Variants in SMOC2 observed in about 807,000 individuals in gnomAD.
The protein encoded by SMOC2 is SPARC related modular calcium binding 2.
SMOC2 carries 39 observed loss-of-function variants against 61.4 expected under a neutral mutation model. The ratio of observed to expected loss-of-function variants is 0.64; its 90% CI spans 0.49 to 0.83. The LOEUF (loss-of-function observed/expected upper bound fraction) is 0.83, where lower values mean the gene tolerates loss of function less well. Ranked by LOEUF, SMOC2 falls within the 40% of genes least tolerant of loss-of-function variation. The probability of loss-of-function intolerance (pLI) is 0.00; values close to 1 mark genes in which losing one functional copy is unlikely to be tolerated. For synonymous variants in SMOC2, 247 were observed against 239.9 expected, an observed-to-expected ratio of 1.03 and a Z score of -0.27; for missense variants, 556 against 592.9, an observed-to-expected ratio of 0.94 and a Z score of 0.65.
chr6:168,450,439 G>T (rs917127024), intron 1 of SMOC2, among the ~76,000 whole-genome samples: 1 of 152,100 alleles, frequency 6.6e-6, no homozygotes, highest in African/African-American at 2.4e-5. Flanking sequence ...ATTTTCCAGG[G>T]CCCCTTATTT....
At chr6:168,526,072 C>T (rs1320670874) in intron 2 of SMOC2, among the ~76,000 whole-genome samples, 1 of 152,220 alleles carries the variant, frequency 6.6e-6, no homozygotes, top group Admixed American at 6.5e-5. Flanking sequence ...CCTTCCTGGG[C>T]CTCAGTGTTC....
intron 9 of SMOC2, among the ~76,000 whole-genome samples, chr6:168,609,073 G>A (rs1478493373): frequency 6.6e-6 from 1 of 152,220 alleles, no homozygotes; most frequent in East Asian, 1.9e-4. Flanking sequence ...GGACAGGGTA[G>A]AGCAGAATGT....
chr6:168,474,629 A>T (rs914798577), intron 1 of SMOC2, among the ~76,000 whole-genome samples: 13 of 152,126 alleles, frequency 8.5e-5, no homozygotes, highest in Non-Finnish European at 5.9e-5. Context: ...AGACGTATAC[A>T]ACTGCCTCCT....
At chr6:168,463,633 C>G (rs188361769) in intron 1 of SMOC2, among the ~76,000 whole-genome samples, 1 of 152,234 alleles carries the variant, frequency 6.6e-6, no homozygotes, top group African/African-American at 2.4e-5. Context: ...TAAGGTGCGG[C>G]TGGGTAACAT....
chr6:168,535,662 A>G lies in SMOC2; in HGVS notation c.463+7935A>G, dbSNP rs2115087909. Reference sequence around the variant, plus strand: ...TCCTCCAAGTCCATAAATAACATAAAGGATCACTGAGCAAAAACAAATGGA... The same window carrying G: ...TCCTCCAAGTCCATAAATAACATAAGGGATCACTGAGCAAAAACAAATGGA... On this transcript the variant is annotated intron_variant, in intron 4 of 12. Transcript: ENST00000356284. This position sits in a 1 kb window ranked among gnomAD's most constrained non-coding sequence, Gnocchi z 4.6. 6.6e-6 allele frequency among the ~76,000 whole-genome samples: 1 copy of G among 152,358 alleles called. No individual in the cohort carries two copies.
intron 9 of SMOC2, among the ~76,000 whole-genome samples, chr6:168,625,157 C>T (rs16887208): frequency 0.024 from 3,615 of 152,332 alleles, 277 homozygotes; most frequent in Admixed American, 0.16. Context: ...CCTGGCGCTC[C>T]AGCAGTAGAA....
At position 168,636,349 on chromosome 6, in the gene SMOC2, G is replaced by A. The variant is rs149125017; in HGVS notation, c.908-14332G>A. ...GTCTCAGAGCCTGCTTCTTAGGATGGGTCTTCCCATCAGGAGCCATATAGT... is the reference window on the plus strand; with the variant it reads ...GTCTCAGAGCCTGCTTCTTAGGATGAGTCTTCCCATCAGGAGCCATATAGT... On this transcript the variant is annotated intron_variant, in intron 9 of 12. Coordinates refer to ENST00000356284, the MANE Select transcript of SMOC2 (RefSeq NM_001166412.2). 5.7e-3 allele frequency among the ~76,000 whole-genome samples: 867 copies of A among 152,264 alleles called. 13 individuals are homozygous for A. Among genetic ancestry groups the A allele is most frequent in the African/African-American group, 0.02 (814 of 41,540 alleles).
At chr6:168,546,312 T>C (rs1783998669) in intron 5 of SMOC2, among the ~76,000 whole-genome samples, 1 of 148,472 alleles carries the variant, frequency 6.7e-6, no homozygotes, top group Non-Finnish European at 1.5e-5. Flanking sequence ...GCCTTGTGAT[T>C]GCCTCCTGGG....
At chr6:168,560,327 A>G (rs1784371563) in intron 7 of SMOC2, among the ~76,000 whole-genome samples, 1 of 152,382 alleles carries the variant, frequency 6.6e-6, no homozygotes, top group Non-Finnish European at 1.5e-5. Flanking sequence ...TTTCAAAAGC[A>G]TTGTAAAGCA....
chr6:168,500,872 G>T (rs576416831), intron 1 of SMOC2, among the ~76,000 whole-genome samples: 1 of 152,170 alleles, frequency 6.6e-6, no homozygotes, highest in Non-Finnish European at 1.5e-5. Flanking sequence ...TGGATAAGAA[G>T]CACTTTTGTA....
intron 9 of SMOC2, among the ~76,000 whole-genome samples, chr6:168,633,009 C>T (rs1786609824): frequency 6.6e-6 from 1 of 152,176 alleles, no homozygotes. Context: ...CCCCAGCTGT[C>T]TCTCCAGCTT....
At chr6:168,583,788 C>T (rs1562362589) in intron 7 of SMOC2, among the ~76,000 whole-genome samples, 2 of 152,166 alleles carry the variant, frequency 1.3e-5, no homozygotes, top group South Asian at 2.1e-4. Context: ...CTTGGCAATA[C>T]GGAGAGAGTG....
At chr6:168,482,236 G>A (rs78897685) in intron 1 of SMOC2, among the ~76,000 whole-genome samples, 1,628 of 151,816 alleles carry the variant, frequency 0.011, 19 homozygotes, top group Non-Finnish European at 0.018. Flanking sequence ...ATAAAAGTGG[G>A]AACAGTACTA....
At chr6:168,605,746 G>A (rs534735027) in intron 8 of SMOC2, among the ~76,000 whole-genome samples, 97 of 152,290 alleles carry the variant, frequency 6.4e-4, no homozygotes, top group African/African-American at 2.1e-3. Flanking sequence ...AAGGATACAG[G>A]TACTGATCCT....
intron 11 of SMOC2, 105 bp from the exon 12 acceptor site, chr6:168,663,969 A>AACAC: frequency 1.1e-6 from 1 of 927,804 alleles, no homozygotes; most frequent in Non-Finnish European, 1.6e-6. Flanking sequence ...GCCAATTGAT[A>AACAC]ACACCTTCCT....
intron 1 of SMOC2, among the ~76,000 whole-genome samples, chr6:168,491,902 T>C (rs779651130): frequency 2.0e-4 from 30 of 152,322 alleles, no homozygotes; most frequent in South Asian, 2.1e-4. Context: ...CAGGTATCGC[T>C]AACTACATCG....
intron 7 of SMOC2, among the ~76,000 whole-genome samples, chr6:168,550,030 T>G (rs555742164): frequency 6.6e-6 from 1 of 152,226 alleles, no homozygotes; most frequent in Non-Finnish European, 1.5e-5. Flanking sequence ...AATGGGTTGC[T>G]TCATCTTTGG....
chr6:168,496,714 G>A (rs1469807332), intron 1 of SMOC2, among the ~76,000 whole-genome samples: 2 of 152,126 alleles, frequency 1.3e-5, no homozygotes, highest in East Asian at 1.9e-4. Flanking sequence ...GGGGCCTCCC[G>A]AGCCCTTCCC....
At chr6:168,625,358 C>T (rs1025848205) in intron 9 of SMOC2, among the ~76,000 whole-genome samples, 21 of 152,186 alleles carry the variant, frequency 1.4e-4, no homozygotes, top group East Asian at 3.9e-4. Flanking sequence ...GATGTGGGAA[C>T]GCTGGAGCAG....
Sources: allele counts gnomAD v4.1 joint callset (sites outside exome capture counted in the v4.1 genomes callset), GRCh38; gene constraint gnomAD v4.1.1; non-coding constraint Gnocchi (gnomAD v3.1); transcripts MANE v1.5; gene names NCBI Gene and HGNC (gene_info 2026-07-23, HGNC 2026-07-21).